ADGRB3: variants seen among roughly 807,000 people sequenced by gnomAD.
ADGRB3 encodes the protein brain-specific angiogenesis inhibitor 3.
In ADGRB3, 37 loss-of-function variants were observed where a neutral mutation model predicts 193.4. The observed-to-expected ratio is 0.19, with a 90% confidence interval of 0.15 to 0.25. The LOEUF is 0.25. ADGRB3 is among the 10% of genes least tolerant of loss of function. The pLI is 1.00. For synonymous variants in ADGRB3, 690 were observed against 644.2 expected, an observed-to-expected ratio of 1.07 and a Z score of -1.08; for missense variants, 1,637 against 1,852.9, an observed-to-expected ratio of 0.88 and a Z score of 2.14.
chr6:69,271,891 TA>T (rs1243297867), intron 20 of ADGRB3, among the ~76,000 whole-genome samples: 1 of 152,202 alleles, frequency 6.6e-6, no homozygotes, highest in African/African-American at 2.4e-5. Flanking sequence ...TACAGCATAT[TA>T]AAAACATACG....
At chr6:69,108,314 G>T (rs941789168) in intron 17 of ADGRB3, among the ~76,000 whole-genome samples, 13 of 151,862 alleles carry the variant, frequency 8.6e-5, no homozygotes, top group African/African-American at 3.1e-4. Flanking sequence ...ACAGGCAAAT[G>T]TGTGGGATAT....
intron 3 of ADGRB3, among the ~76,000 whole-genome samples, chr6:68,728,418 C>G (rs1243029548): frequency 6.6e-6 from 1 of 151,424 alleles, no homozygotes. Context: ...AGAAAAAGCA[C>G]TTTTTGAAAT....
At chr6:69,043,290 G>GAGAAAGAAAGAAAGAAAAAGAAAGAA (rs1554252054) in intron 13 of ADGRB3, among the ~76,000 whole-genome samples, 1 of 88,032 alleles carries the variant, frequency 1.1e-5, no homozygotes, top group Admixed American at 1.1e-4. Context: ...GGAAGAAAGA[G>GAGAAAGAAAGAAAGAAAAAGAAAGAA]AGAAAGAAAG....
chr6:69,361,636 G>C (rs1769454610), intron 29 of ADGRB3, 124 bp downstream of exon 29: 1 of 1,189,898 alleles, frequency 8.4e-7, no homozygotes, highest in Non-Finnish European at 1.2e-6. Context: ...ATTCACATTA[G>C]CTTTTGCAGT....
chr6:68,869,999 G>A (rs764578695), intron 3 of ADGRB3, among the ~76,000 whole-genome samples: 1 of 152,132 alleles, frequency 6.6e-6, no homozygotes, highest in African/African-American at 2.4e-5. Context: ...GACTTGTCTC[G>A]AACTCTTGAT....
chr6:69,136,993 C>T (rs1263767219), intron 17 of ADGRB3, among the ~76,000 whole-genome samples: 1 of 151,332 alleles, frequency 6.6e-6, no homozygotes, highest in Non-Finnish European at 1.5e-5. Flanking sequence ...TATCTTTTTC[C>T]AATAGAAAAT....
At chr6:68,872,903 G>A (rs1765500669) in intron 3 of ADGRB3, among the ~76,000 whole-genome samples, 1 of 151,984 alleles carries the variant, frequency 6.6e-6, no homozygotes, top group Non-Finnish European at 1.5e-5. Context: ...GTATTTTTTT[G>A]TTGCTGATCA....
Position 68,788,558 on chromosome 6 carries a change from G to T in ADGRB3, c.758-142001G>T, listed in dbSNP as rs567827041. On this transcript the variant is annotated intron_variant, in intron 3 of 31. Transcript: ENST00000370598. ...TTTCTGTTCTTTTACATTTCCTGAG[G>T]AGTGCTTTACTCCAACTATGTGGTC... Among the ~76,000 whole-genome samples, 3 of 152,262 alleles carry T rather than the reference G, an allele frequency of 2.0e-5. No homozygotes were observed. In the South Asian group the frequency reaches 6.2e-4, roughly 32 times the overall value.
intron 20 of ADGRB3, among the ~76,000 whole-genome samples, chr6:69,240,169 C>T (rs1359786173): frequency 1.3e-5 from 2 of 152,100 alleles, no homozygotes; most frequent in African/African-American, 4.8e-5. Flanking sequence ...TGCTAACCTA[C>T]GTTCCTAAGA....
At chr6:69,136,974 T>C (rs899951734) in intron 17 of ADGRB3, among the ~76,000 whole-genome samples, 8 of 152,008 alleles carry the variant, frequency 5.3e-5, no homozygotes, top group African/African-American at 1.9e-4. Flanking sequence ...TCCTCCTTTT[T>C]AAAAATCGTA....
chr6:68,809,958 C>A (rs1767478317), intron 3 of ADGRB3, among the ~76,000 whole-genome samples: 1 of 152,100 alleles, frequency 6.6e-6, no homozygotes, highest in Non-Finnish European at 1.5e-5. Flanking sequence ...TACTTTTCTG[C>A]AAAAGTGCTC....
chr6:69,290,619 A>G (rs548393796), intron 20 of ADGRB3, among the ~76,000 whole-genome samples: 1 of 152,312 alleles, frequency 6.6e-6, no homozygotes, highest in Non-Finnish European at 1.5e-5. Flanking sequence ...GTGATTTTAC[A>G]TACTCATATA....
At chr6:68,662,578 T>C (rs1440405023) in intron 3 of ADGRB3, among the ~76,000 whole-genome samples, 7 of 151,552 alleles carry the variant, frequency 4.6e-5, no homozygotes, top group Non-Finnish European at 1.0e-4. Flanking sequence ...AAACAATTGC[T>C]TTAGGAGTCT....
chr6:69,312,999 G>A (rs1051263000), intron 20 of ADGRB3, among the ~76,000 whole-genome samples: 9 of 151,820 alleles, frequency 5.9e-5, no homozygotes, highest in Non-Finnish European at 1.0e-4. Flanking sequence ...ATCCTACATT[G>A]TAGGTATTTT....
At chr6:68,904,654 CT>C (rs1766493706) in intron 3 of ADGRB3, among the ~76,000 whole-genome samples, 1 of 152,142 alleles carries the variant, frequency 6.6e-6, no homozygotes. Flanking sequence ...CTGACTCATA[CT>C]TTAATCCATT....
intron 10 of ADGRB3, among the ~76,000 whole-genome samples, chr6:68,991,838 A>G (rs1261239733): frequency 1.3e-5 from 2 of 152,116 alleles, no homozygotes; most frequent in Non-Finnish European, 2.9e-5. Context: ...ATATAGATCT[A>G]TTTTTCAAAT....
rs1767832095 is a variant in ADGRB3 at position 68,825,779 on chromosome 6, G to A, written c.758-104780G>A. Among the ~76,000 whole-genome samples the A allele has an allele frequency of 1.3e-5, 2 of 152,172 alleles. 1 individual carries two copies. Among genetic ancestry groups the A allele is most frequent in the African/African-American group, 4.8e-5 (2 of 41,440 alleles). On this transcript the variant is annotated intron_variant, in intron 3 of 31. Transcript: ENST00000370598. Reference sequence around the variant, plus strand: ...CCTCCTGCTGCCTTGTGAAGAAAGTGCCTTGCTACCCCTTTGCTTTCCGCA... The same window carrying A: ...CCTCCTGCTGCCTTGTGAAGAAAGTACCTTGCTACCCCTTTGCTTTCCGCA...
intron 10 of ADGRB3, among the ~76,000 whole-genome samples, chr6:68,979,351 A>G (rs1582367400): frequency 1.3e-5 from 2 of 151,376 alleles, no homozygotes; most frequent in Admixed American, 6.6e-5. Flanking sequence ...CAGCCCCCAA[A>G]TACCTAGAAA....
At chr6:69,213,286 A>G (rs1280789694) in intron 17 of ADGRB3, among the ~76,000 whole-genome samples, 1 of 152,174 alleles carries the variant, frequency 6.6e-6, no homozygotes, top group Non-Finnish European at 1.5e-5. Flanking sequence ...CTCACATTAT[A>G]TTTACCTTAA....
Sources: allele counts gnomAD v4.1 joint callset (sites outside exome capture counted in the v4.1 genomes callset), GRCh38; gene constraint gnomAD v4.1.1; transcripts MANE v1.5; gene names NCBI Gene and HGNC (gene_info 2026-07-23, HGNC 2026-07-21).